ALDH1L1: variants seen among roughly 807,000 people sequenced by gnomAD.
ALDH1L1 encodes cytosolic 10-formyltetrahydrofolate dehydrogenase.
Under a neutral mutation model 101.1 loss-of-function variants are expected in ALDH1L1, and 68 were observed. The observed-to-expected ratio is 0.67, with a 90% confidence interval of 0.55 to 0.82. The LOEUF (loss-of-function observed/expected upper bound fraction) is 0.82, where lower values mean the gene tolerates loss of function less well. Ranked by LOEUF, ALDH1L1 falls within the 40% of genes least tolerant of loss-of-function variation. ALDH1L1 has a pLI of 0.00. For missense variants in ALDH1L1, 1,087 were observed against 1,172.7 expected, an observed-to-expected ratio of 0.93 and a Z score of 1.07; for synonymous variants, 486 against 470.8, an observed-to-expected ratio of 1.03 and a Z score of -0.42.
rs1004280164 is a variant in ALDH1L1, at chr3:126,110,361, A to G, written c.2182-252T>C. 1.9e-4 allele frequency: 102 copies of G among 549,270 alleles called. 1 individual carries two copies. The highest frequency in any genetic ancestry group is 4.7e-4 in the Middle Eastern group (1 of 2,144). 34.0% of individuals were successfully genotyped at this position (549,270 alleles called of 1,614,324 possible). ...ATATGGGCTGGAAATGGAGACATAC[A>G]GGGGTGTGGGTGAGGAGGACAGAGG... On this transcript the variant is annotated intron_variant, in intron 19 of 22. Transcript: ENST00000393434.
rs1455689481 is a variant in ALDH1L1, at chr3:126,155,403, T to C, written c.629A>G (p.Lys210Arg). ...YEGIQKKETA[K>R]INWDQPAEAI... ...GGTGTGGAGGGACCCAGCACTCACC[T>C]TGGCTGTCTCCTTCTTCTGAATCCC... The change falls in exon 5 of 23, where the codon AAG (lysine) becomes AGG (arginine). Residue 210 changes from lysine to arginine, a missense_variant and splice_region_variant. Lys to Arg is a conservative substitution (Grantham distance 26). Around this residue, in one of 2 missense-constraint regions of ALDH1L1, gnomAD observed 645 missense variants for 637.0 expected, o/e 1.01. Coordinates refer to ENST00000393434, the MANE Select transcript of ALDH1L1 (RefSeq NM_012190.4). 1.9e-6 allele frequency: 3 copies of C among 1,612,502 alleles called. No homozygotes were observed. The highest frequency in any genetic ancestry group is 1.3e-5 in the African/African-American group (1 of 74,926).
chr3:126,186,523 G>GACCCTGAC (rs1559985087), upstream of ALDH1L1, among the ~76,000 whole-genome samples: 1 of 151,902 alleles, frequency 6.6e-6, no homozygotes, highest in African/African-American at 2.4e-5. Flanking sequence ...CTGACCCTGA[G>GACCCTGAC]CCTGAGGGCT....
At position 126,103,842 on chromosome 3, in the gene ALDH1L1, C is replaced by T. The variant is rs1288319180; in HGVS notation, c.2658G>A (p.Glu886=). 1 of 1,613,322 alleles carries T rather than the reference C, an allele frequency of 6.2e-7. No homozygotes were observed. Among genetic ancestry groups the T allele is most frequent in the Non-Finnish European group, 8.5e-7 (1 of 1,179,776 alleles). The change falls in exon 23 of 23, where the codon GAG becomes GAA. Residue 886 remains glutamate (E), a synonymous_variant. Coordinates refer to ENST00000393434, the MANE Select transcript of ALDH1L1 (RefSeq NM_012190.4). ...CCCGCAGGTACTCGTTCAGAGCCGC[C>T]TCTCCTGTAAGACACCACAAAGGTC... The part of the protein sequence containing the change: ...KQSGFGKDLG[E]AALNEYLRVK...
At chr3:126,106,058 C>G in intron 21 of ALDH1L1, 133 bp from the exon 22 acceptor site, 1 of 924,952 alleles carries the variant, frequency 1.1e-6, no homozygotes, top group Non-Finnish European at 1.6e-6. Flanking sequence ...GCTGCAGCGC[C>G]GGGGGCAAGA....
chr3:126,181,138 A>G, upstream of ALDH1L1: 1 of 790,916 alleles, frequency 1.3e-6, no homozygotes, highest in Non-Finnish European at 2.1e-6. Context: ...TTCTCTCTGC[A>G]ATTCCCCTTC....
In ALDH1L1 at chr3:126,135,531, C is replaced by T. The variant is rs2080417861; in HGVS notation, c.1472+4G>A. 5.6e-6 allele frequency: 9 copies of T among 1,605,830 alleles called. No homozygotes were observed. Among genetic ancestry groups the T allele is most frequent in the Middle Eastern group, 1.7e-4 (1 of 6,044 alleles). ...TGGCTGGCAGGTACATGTTGGGCTC[C>T]CACCTGTACATCAGCCGGCCCCGGT... On this transcript the variant is annotated splice_donor_region_variant and intron_variant, in intron 12 of 22. Coordinates refer to ENST00000393434, the MANE Select transcript of ALDH1L1 (RefSeq NM_012190.4).
At chr3:126,158,663 TGG>T (rs2080971482) in intron 2 of ALDH1L1, 24 bp from the exon 3 acceptor site, 1 of 1,601,286 alleles carries the variant, frequency 6.2e-7, no homozygotes, top group African/African-American at 1.3e-5. Flanking sequence ...GATAAGAAAC[TGG>T]CCCCTCTCCA....
chr3:126,161,849 A>C (rs922691821), intron 1 of ALDH1L1, among the ~76,000 whole-genome samples: 2 of 152,146 alleles, frequency 1.3e-5, no homozygotes. Context: ...GAAAGAGAAA[A>C]ACTCCAGGAA....
chr3:126,137,174 G>A (rs2080464271), intron 10 of ALDH1L1, among the ~76,000 whole-genome samples: 1 of 152,200 alleles, frequency 6.6e-6, no homozygotes, highest in Non-Finnish European at 1.5e-5. Context: ...GGCTAGTGAA[G>A]CCCTTGGCAA....
At chr3:126,188,123 T>C (rs2081531659) in intron 1 of ALDH1L1, among the ~76,000 whole-genome samples, 1 of 152,222 alleles carries the variant, frequency 6.6e-6, no homozygotes, top group African/African-American at 2.4e-5. Context: ...TGCCTGTTAC[T>C]AACTGAAAGT....
upstream of ALDH1L1, among the ~76,000 whole-genome samples, chr3:126,186,140 CAT>C (rs1182957756): frequency 6.6e-6 from 1 of 152,196 alleles, no homozygotes; most frequent in Admixed American, 6.5e-5. Context: ...CTCTTAAAAA[CAT>C]AGCACTGTGC....
upstream of ALDH1L1, chr3:126,181,056 T>A: frequency 6.5e-7 from 1 of 1,536,658 alleles, no homozygotes; most frequent in South Asian, 1.2e-5. Context: ...CAGCTGCGCA[T>A]CCGGGTGGAT....
chr3:126,125,760 C>G, intron 14 of ALDH1L1, 39 bp from the exon 15 acceptor site: 1 of 1,425,284 alleles, frequency 7.0e-7, no homozygotes, highest in Non-Finnish European at 9.4e-7. Flanking sequence ...CCTTCTTCTC[C>G]ACCAGGCCCA....
chr3:126,125,585 C>A, intron 15 of ALDH1L1, 31 bp downstream of exon 15: 2 of 1,456,052 alleles, frequency 1.4e-6, no homozygotes, highest in South Asian at 1.5e-5. Context: ...CTGTGGCCTG[C>A]AGGCCCTGTC....
rs1946030647 is a variant in ALDH1L1, at chr3:126,110,081, C to T, written c.2210G>A (p.Gly737Asp). Residue 737 changes from glycine (G) to aspartate (D), a missense_variant, in exon 20 of 23, where the codon GGC becomes GAC. By Grantham distance (94) the Gly-to-Asp change is moderately conservative. This residue lies in a region of ALDH1L1 where 442 missense variants were observed against 535.7 expected (regional missense o/e 0.83). Transcript: ENST00000393434. ...GTCGGTGTCCCTGTCCAGCGGGTTG[C>T]CCACCTTCATCTTCCGCACCTCTTC... ...VVEEVRKMKVGNPLDRDTDHG... is the reference protein window; with the variant it reads ...VVEEVRKMKVDNPLDRDTDHG... 1 of 1,614,028 alleles carries T rather than the reference C, an allele frequency of 6.2e-7. No individual in the cohort carries two copies. The highest frequency in any genetic ancestry group is 8.5e-7 in the Non-Finnish European group (1 of 1,180,022).
intron 19 of ALDH1L1, among the ~76,000 whole-genome samples, chr3:126,112,110 C>T (rs545751413): frequency 2.9e-5 from 4 of 138,916 alleles, no homozygotes; most frequent in African/African-American, 1.2e-4. Flanking sequence ...ACAAACCTCC[C>T]AAGGGGACTC....
chr3:126,119,766 C>G (rs1045024703), intron 16 of ALDH1L1, among the ~76,000 whole-genome samples: 12 of 152,146 alleles, frequency 7.9e-5, no homozygotes, highest in African/African-American at 2.9e-4. Context: ...ATACAAAGAA[C>G]TCTCAAAACT....
At chr3:126,173,938 G>T (rs538050781) in intron 1 of ALDH1L1, among the ~76,000 whole-genome samples, 1 of 152,322 alleles carries the variant, frequency 6.6e-6, no homozygotes, top group Non-Finnish European at 1.5e-5. Flanking sequence ...TAACAACAGT[G>T]CTAAAATGTG....
chr3:126,185,908 G>A (rs1212681604), upstream of ALDH1L1, among the ~76,000 whole-genome samples: 1 of 152,190 alleles, frequency 6.6e-6, no homozygotes, highest in East Asian at 1.9e-4. Context: ...GGAATCTTGA[G>A]TAGTTTATTC....
Sources: gnomAD v4.1 joint callset for allele counts (sites outside exome capture counted in the v4.1 genomes callset) on GRCh38, gnomAD v4.1.1 for gene constraint, gnomAD v4.1.1 regional missense constraint, MANE v1.5 for transcripts, NCBI Gene and HGNC (gene_info 2026-07-23, HGNC 2026-07-21) for gene names.